Variants in LARGE1 observed in about 807,000 individuals in gnomAD.
LARGE1 encodes the protein xylosyl- and glucuronyltransferase LARGE1.
A neutral mutation model predicts 87.6 loss-of-function variants in LARGE1; 43 were observed. The ratio of observed to expected loss-of-function variants is 0.49; its 90% confidence interval spans 0.38 to 0.63. The LOEUF (loss-of-function observed/expected upper bound fraction) is 0.63, where lower values mean the gene tolerates loss of function less well. Ranked by LOEUF, LARGE1 falls within the 30% of genes least tolerant of loss-of-function variation. The pLI is 0.00. For synonymous variants in LARGE1, 434 were observed against 394.6 expected (o/e 1.10, Z -1.18); for missense variants, 802 against 1,000.2 (o/e 0.80, Z 2.67).
chr22:33,805,079 G>A (rs1424806910), intron 1 of LARGE1, among the ~76,000 whole-genome samples: 3 of 152,130 alleles, frequency 2.0e-5, no homozygotes, highest in South Asian at 2.1e-4. Context: ...GACAGCTCCC[G>A]AACTCCACCA....
intron 4 of LARGE1, among the ~76,000 whole-genome samples, chr22:33,620,942 T>A (rs1283977958): frequency 2.0e-5 from 3 of 152,036 alleles, no homozygotes; most frequent in Admixed American, 1.3e-4. Context: ...AAAACAAGAT[T>A]ACCTTTATTT....
rs553445938 is a variant in LARGE1 at position 33,348,512 on chromosome 22, C to A, written c.1132-10711G>T. On this transcript the variant is annotated intron_variant, in intron 9 of 14. Coordinates refer to ENST00000397394, the MANE Select transcript of LARGE1 (RefSeq NM_133642.5). ...CATTGTAGTAGGTAATTTTATGTGT[C>A]AACTTGACTGGATCATGGTGTGCCC... Among the ~76,000 whole-genome samples the A allele has an allele frequency of 1.4e-4, 21 of 152,200 alleles. No homozygotes were observed. The East Asian group carries it at 3.9e-3, about 28-fold the overall frequency.
At chr22:33,130,548 C>T in the LARGE1 span, among the ~76,000 whole-genome samples, 3 of 152,014 alleles carry the variant, frequency 2.0e-5, no homozygotes, top group Non-Finnish European at 4.4e-5. Context: ...ATGCAATGGG[C>T]ATACTCCAGG....
intron 2 of LARGE1, among the ~76,000 whole-genome samples, chr22:33,672,629 T>G (rs2081450473): frequency 6.6e-6 from 1 of 152,154 alleles, no homozygotes. Flanking sequence ...TTCTCTAAAC[T>G]GTTGGAACAA....
intron 9 of LARGE1, among the ~76,000 whole-genome samples, chr22:33,374,791 T>C (rs1307062151): frequency 1.3e-5 from 2 of 152,186 alleles, no homozygotes; most frequent in Non-Finnish European, 2.9e-5. Context: ...AAATCTAATA[T>C]GACATTAGTT....
At chr22:33,294,708 T>TA (rs1366522644) in intron 12 of LARGE1, among the ~76,000 whole-genome samples, 1 of 152,200 alleles carries the variant, frequency 6.6e-6, no homozygotes, top group African/African-American at 2.4e-5. Context: ...CCTGTGCATG[T>TA]ACCTCTCAGC....
intron 2 of LARGE1, chr22:33,732,802 C>T (rs889721866): frequency 1.3e-5 from 2 of 152,278 alleles, no homozygotes; most frequent in African/African-American, 4.8e-5. Flanking sequence ...TACTCGCACA[C>T]TCTCCTGTGG....
At chr22:33,390,689 G>A (rs1156867522) in intron 7 of LARGE1, among the ~76,000 whole-genome samples, 3 of 131,798 alleles carry the variant, frequency 2.3e-5, no homozygotes, top group South Asian at 2.5e-4. Context: ...TTTGTTGTGT[G>A]TTTTTTTTTT....
chr22:33,860,143 T>A (rs1290173157), intron 1 of LARGE1, among the ~76,000 whole-genome samples: 2 of 151,372 alleles, frequency 1.3e-5, no homozygotes, highest in Non-Finnish European at 2.9e-5. Flanking sequence ...AAATTTTAAA[T>A]TTTTTTTTAA....
At chr22:33,111,534 C>T in the LARGE1 span, among the ~76,000 whole-genome samples, 31 of 152,272 alleles carry the variant, frequency 2.0e-4, no homozygotes, top group Non-Finnish European at 4.1e-4. Context: ...GATTCCTTTC[C>T]CCTAGCTGAT....
intron 6 of LARGE1, among the ~76,000 whole-genome samples, chr22:33,464,699 A>G (rs1049454774): frequency 2.0e-5 from 3 of 152,252 alleles, no homozygotes; most frequent in African/African-American, 7.2e-5. Flanking sequence ...ATGTGAAACA[A>G]TAATGAATAA....
chr22:33,203,477 T>G (rs1366056587), intron 11 of LARGE1, among the ~76,000 whole-genome samples: 3 of 152,152 alleles, frequency 2.0e-5, no homozygotes, highest in Non-Finnish European at 4.4e-5. Flanking sequence ...AACTTCATAG[T>G]GCTTAGTCGA....
intron 7 of LARGE1, among the ~76,000 whole-genome samples, chr22:33,404,154 TG>T (rs746479422): frequency 3.3e-5 from 5 of 152,106 alleles, no homozygotes; most frequent in Non-Finnish European, 7.4e-5. Context: ...CTGGGAGATG[TG>T]GTGAAATTTT....
chr22:33,226,965 G>A lies in LARGE1; in HGVS notation c.1731-60133C>T, dbSNP rs114346851. 2.2e-3 allele frequency among the ~76,000 whole-genome samples: 334 copies of A among 152,212 alleles called. 1 individual carries two copies. The highest frequency in any genetic ancestry group is 7.7e-3 in the African/African-American group (321 of 41,544). On this transcript the variant is annotated intron_variant, in intron 11 of 11. Coordinates refer to the LARGE1 transcript ENST00000608642. Reference sequence around the variant, plus strand: ...AAGATGGTCTCGATCTCCTGACCTTGTAACCTTTAAATTATTAAGTAGAGG... The same window carrying A: ...AAGATGGTCTCGATCTCCTGACCTTATAACCTTTAAATTATTAAGTAGAGG...
intron 11 of LARGE1, among the ~76,000 whole-genome samples, chr22:33,206,698 C>T (rs1016067863): frequency 6.6e-5 from 10 of 152,228 alleles, no homozygotes; most frequent in African/African-American, 1.9e-4. Flanking sequence ...TAGGTCTCTG[C>T]TCCTCCATAA....
chr22:33,427,281 G>A (rs183234515), intron 7 of LARGE1, among the ~76,000 whole-genome samples: 1 of 152,284 alleles, frequency 6.6e-6, no homozygotes, highest in Non-Finnish European at 1.5e-5. Flanking sequence ...GAACAGTTAT[G>A]GGCAAGAGCT....
chr22:33,239,797 A>G, intron 11 of LARGE1, among the ~76,000 whole-genome samples: 1 of 152,066 alleles, frequency 6.6e-6, no homozygotes. Context: ...TCGGCCTCCC[A>G]AAGTGCTGGG....
At chr22:33,553,216 A>T (rs186575344) in intron 6 of LARGE1, among the ~76,000 whole-genome samples, 6 of 152,302 alleles carry the variant, frequency 3.9e-5, no homozygotes, top group Admixed American at 3.3e-4. Flanking sequence ...ATTACAATAA[A>T]ATGACTCAGC....
the LARGE1 span, among the ~76,000 whole-genome samples, chr22:33,087,447 C>T: frequency 6.6e-6 from 1 of 152,130 alleles, no homozygotes; most frequent in Non-Finnish European, 1.5e-5. Flanking sequence ...TCCACACTGA[C>T]TGGATCAGTG....
Sources: allele counts gnomAD v4.1 joint callset (sites outside exome capture counted in the v4.1 genomes callset), GRCh38; gene constraint gnomAD v4.1.1; transcripts MANE v1.5; gene names NCBI Gene and HGNC (gene_info 2026-07-23, HGNC 2026-07-21).